Variants in TSPAN15 observed in about 807,000 individuals in gnomAD.
TSPAN15 encodes tetraspanin-15.
A neutral mutation model predicts 34.5 loss-of-function variants in TSPAN15; 20 were observed. The ratio of observed to expected loss-of-function variants is 0.58; its 90% confidence interval spans 0.41 to 0.84. TSPAN15 has a LOEUF of 0.84. Ranked by LOEUF, TSPAN15 falls within the 40% of genes least tolerant of loss-of-function variation. The pLI is 0.00. For synonymous variants in TSPAN15, 155 were observed against 153.9 expected, an observed-to-expected ratio of 1.01 and a Z score of -0.05; for missense variants, 313 against 386.1, an observed-to-expected ratio of 0.81 and a Z score of 1.59.
At chr10:69,511,889 A>G (rs139105319), downstream of TSPAN15, among the ~76,000 whole-genome samples, 1,059 of 149,894 alleles carry the variant, frequency 7.1e-3, no homozygotes, top group Middle Eastern at 0.02. Context: ...GAGTTGAACA[A>G]TGAGAACACA....
chr10:69,499,371 T>C (rs1038511429), intron 5 of TSPAN15, among the ~76,000 whole-genome samples: 16 of 152,156 alleles, frequency 1.1e-4, no homozygotes, highest in African/African-American at 3.9e-4. Flanking sequence ...AGGGAAGCTT[T>C]GTTTGGAAGT....
At chr10:69,477,105 C>T (rs1252601024) in intron 1 of TSPAN15, among the ~76,000 whole-genome samples, 1 of 151,998 alleles carries the variant, frequency 6.6e-6, no homozygotes, top group Non-Finnish European at 1.5e-5. Context: ...CTGAGCCTTC[C>T]CTAGCTTGTG....
intron 5 of TSPAN15, among the ~76,000 whole-genome samples, 189 bp from the exon 6 acceptor site, chr10:69,504,249 C>T (rs1842276994): frequency 6.6e-6 from 1 of 151,938 alleles, no homozygotes; most frequent in Non-Finnish European, 1.5e-5. Flanking sequence ...TTTCACGGGG[C>T]ATTTCTTGGA....
intron 1 of TSPAN15, among the ~76,000 whole-genome samples, chr10:69,452,800 A>G (rs1231847114): frequency 1.3e-5 from 2 of 152,214 alleles, no homozygotes; most frequent in African/African-American, 4.8e-5. Context: ...AGACTTGCCC[A>G]GGGACCCAGG....
Position 69,451,587 on chromosome 10 carries a change from C to G in TSPAN15, c.-8C>G. 1 of 1,463,612 alleles carries G rather than the reference C, an allele frequency of 6.8e-7. No homozygotes were observed. The highest frequency in any genetic ancestry group is 9.1e-7 in the Non-Finnish European group (1 of 1,104,818). The allele number at this position is 1,463,612 out of a possible 1,614,324, so 90.7% of individuals were successfully genotyped here. On this transcript the variant is annotated 5_prime_UTR_variant, in exon 1 of 8. Coordinates refer to ENST00000373290, the MANE Select transcript of TSPAN15 (RefSeq NM_012339.5). Reference sequence around the variant, plus strand: ...GAGCCCCCGTAACCCGCGCGGGGAGCGCCCAGGATGCCGCGCGGGGACTCG... The same window carrying G: ...GAGCCCCCGTAACCCGCGCGGGGAGGGCCCAGGATGCCGCGCGGGGACTCG...
At chr10:69,462,169 T>TG (rs1841281043) in intron 1 of TSPAN15, among the ~76,000 whole-genome samples, 2 of 144,986 alleles carry the variant, frequency 1.4e-5, no homozygotes, top group South Asian at 4.5e-4. Flanking sequence ...TTTTTTTTTT[T>TG]TTTTTTTTTT....
chr10:69,470,669 T>C (rs1342511780), intron 1 of TSPAN15, among the ~76,000 whole-genome samples: 1 of 152,096 alleles, frequency 6.6e-6, no homozygotes, highest in Non-Finnish European at 1.5e-5. Flanking sequence ...GGAGGATTGC[T>C]CAAGCCCAGG....
intron 1 of TSPAN15, among the ~76,000 whole-genome samples, chr10:69,460,897 G>A (rs1458565863): frequency 6.6e-6 from 1 of 152,132 alleles, no homozygotes; most frequent in Non-Finnish European, 1.5e-5. Flanking sequence ...GCCAAGCAGA[G>A]CTGAGGAGGA....
intron 4 of TSPAN15, among the ~76,000 whole-genome samples, chr10:69,497,300 C>T (rs1416796511): frequency 6.6e-6 from 1 of 152,196 alleles, no homozygotes; most frequent in Admixed American, 6.5e-5. Context: ...CCTCCAGTCC[C>T]AGCTCCCTGC....
At chr10:69,511,766 C>T (rs1213244303), downstream of TSPAN15, among the ~76,000 whole-genome samples, 1 of 152,092 alleles carries the variant, frequency 6.6e-6, no homozygotes, top group Non-Finnish European at 1.5e-5. Flanking sequence ...GACCCTGGTA[C>T]GTTGTGTCTT....
At chr10:69,540,143 G>A in the TSPAN15 span, among the ~76,000 whole-genome samples, 16 of 151,896 alleles carry the variant, frequency 1.1e-4, 1 homozygote, top group East Asian at 1.2e-3. Context: ...CACCTGCCTC[G>A]GCCTCTCAAA....
the TSPAN15 span, among the ~76,000 whole-genome samples, chr10:69,524,899 G>T: frequency 6.8e-6 from 1 of 146,916 alleles, no homozygotes; most frequent in Non-Finnish European, 1.5e-5. Context: ...TTCTGCCTCA[G>T]CCTCCCAAGT....
intron 5 of TSPAN15, among the ~76,000 whole-genome samples, chr10:69,502,944 G>C (rs1488623592): frequency 6.6e-6 from 1 of 152,188 alleles, no homozygotes; most frequent in Non-Finnish European, 1.5e-5. Context: ...ACTTTGTCTT[G>C]TTGTTCTGTA....
chr10:69,538,731 T>C, the TSPAN15 span, among the ~76,000 whole-genome samples: 1 of 152,218 alleles, frequency 6.6e-6, no homozygotes, highest in East Asian at 1.9e-4. Flanking sequence ...ATGACCAGCC[T>C]GAGAGTTATT....
intron 3 of TSPAN15, among the ~76,000 whole-genome samples, chr10:69,490,858 C>T (rs897656200): frequency 1.3e-4 from 20 of 152,174 alleles, no homozygotes; most frequent in Non-Finnish European, 2.9e-5. Context: ...TGTTCCTTTT[C>T]CCAAATATTT....
At chr10:69,462,154 A>ATTTTTTTTTTTTTTTT (rs1841277080) in intron 1 of TSPAN15, among the ~76,000 whole-genome samples, 1 of 100,092 alleles carries the variant, frequency 1.0e-5, no homozygotes, top group African/African-American at 3.6e-5. Flanking sequence ...CTAATTTTAA[A>ATTTTTTTTTTTTTTTT]GTTTTTTTTT....
chr10:69,540,847 G>A, the TSPAN15 span, among the ~76,000 whole-genome samples: 3 of 152,050 alleles, frequency 2.0e-5, no homozygotes, highest in African/African-American at 4.8e-5. Context: ...CTTGGAGAAG[G>A]TGAGGGAGGT....
At chr10:69,494,607 G>A (rs985231197) in intron 3 of TSPAN15, 19 of 979,752 alleles carry the variant, frequency 1.9e-5, no homozygotes, top group African/African-American at 1.4e-4. Flanking sequence ...ATAGGCCTAC[G>A]GGTTTGGTTC....
At chr10:69,542,880 A>G in the TSPAN15 span, among the ~76,000 whole-genome samples, 2 of 152,276 alleles carry the variant, frequency 1.3e-5, no homozygotes, top group African/African-American at 4.8e-5. Context: ...CAATTAAGAT[A>G]CACAGGCTTT....
Sources: allele counts gnomAD v4.1 joint callset (sites outside exome capture counted in the v4.1 genomes callset), GRCh38; gene constraint gnomAD v4.1.1; transcripts MANE v1.5; gene names NCBI Gene and HGNC (gene_info 2026-07-23, HGNC 2026-07-21).